FAT3: variants seen among roughly 807,000 people sequenced by gnomAD.
FAT3 encodes the protein protocadherin Fat 3.
Under a neutral mutation model 310.2 loss-of-function variants are expected in FAT3, and 95 were observed. That is an observed-to-expected ratio of 0.31 (90% confidence interval 0.26 to 0.36). The LOEUF is 0.36. Among genes scored for constraint, FAT3 ranks in the 10% least tolerant of loss-of-function variants. The pLI, the probability that FAT3 is intolerant of heterozygous loss-of-function variation, is 1.00. For missense variants in FAT3, 5,408 were observed against 5,715.6 expected (o/e 0.95, Z 1.74); for synonymous variants, 2,314 against 2,192.9 (o/e 1.06, Z -1.54).
chr11:92,871,386 A>T (rs1421676162), intron 22 of FAT3, among the ~76,000 whole-genome samples: 1 of 152,172 alleles, frequency 6.6e-6, no homozygotes, highest in Non-Finnish European at 1.5e-5. Flanking sequence ...TTGGAAAGGC[A>T]GTATCTCAGA....
chr11:92,584,283 A>C (rs1452258799), intron 3 of FAT3, among the ~76,000 whole-genome samples: 2 of 152,012 alleles, frequency 1.3e-5, no homozygotes, highest in Non-Finnish European at 2.9e-5. Flanking sequence ...TGGCAATAAC[A>C]TTGGTGACTG....
At chr11:92,488,240 C>T (rs553065115) in intron 2 of FAT3, among the ~76,000 whole-genome samples, 1 of 152,148 alleles carries the variant, frequency 6.6e-6, no homozygotes, top group East Asian at 1.9e-4. Flanking sequence ...CCTGAATAAG[C>T]TTGTAAGTGA....
intron 3 of FAT3, among the ~76,000 whole-genome samples, chr11:92,543,014 G>T (rs1954501572): frequency 6.6e-6 from 1 of 152,106 alleles, no homozygotes; most frequent in Admixed American, 6.6e-5. Context: ...ATGAAATCCT[G>T]TCATTTGCAG....
intron 1 of FAT3, among the ~76,000 whole-genome samples, chr11:92,286,397 T>G (rs1336248682): frequency 6.6e-6 from 1 of 152,122 alleles, no homozygotes; most frequent in Non-Finnish European, 1.5e-5. Flanking sequence ...GTCCTGGAAA[T>G]AGCTTTGAGA....
chr11:92,419,555 T>G (rs1372360826), intron 2 of FAT3, among the ~76,000 whole-genome samples: 1 of 152,160 alleles, frequency 6.6e-6, no homozygotes, highest in Admixed American at 6.5e-5. Context: ...TAGGGGAGTA[T>G]CTTTATATTT....
At chr11:92,818,775 C>T (rs1471216596) in intron 13 of FAT3, among the ~76,000 whole-genome samples, 2 of 152,186 alleles carry the variant, frequency 1.3e-5, no homozygotes, top group Non-Finnish European at 2.9e-5. Flanking sequence ...TGGCCCAAGA[C>T]TGAATGAAAA....
At chr11:92,721,636 G>T (rs1204549341) in intron 4 of FAT3, among the ~76,000 whole-genome samples, 3 of 152,128 alleles carry the variant, frequency 2.0e-5, no homozygotes, top group Non-Finnish European at 4.4e-5. Flanking sequence ...CATCTTATGA[G>T]ATACAAATGT....
chr11:92,741,071 C>T (rs1024238629), intron 4 of FAT3, among the ~76,000 whole-genome samples: 1 of 152,126 alleles, frequency 6.6e-6, no homozygotes, highest in Non-Finnish European at 1.5e-5. Context: ...GACAGAGTCT[C>T]ACTCTGTCAC....
chr11:92,587,888 T>C (rs1939233441), intron 3 of FAT3, among the ~76,000 whole-genome samples: 1 of 152,010 alleles, frequency 6.6e-6, no homozygotes, highest in Non-Finnish European at 1.5e-5. Context: ...TTTCCTGCCC[T>C]ATCTAAAGCC....
At chr11:92,254,734 T>G (rs751680718) in intron 1 of FAT3, among the ~76,000 whole-genome samples, 1 of 152,036 alleles carries the variant, frequency 6.6e-6, no homozygotes, top group Non-Finnish European at 1.5e-5. Context: ...AGGTGGAGTT[T>G]CACTCTTGTC....
intron 3 of FAT3, among the ~76,000 whole-genome samples, chr11:92,665,835 C>A (rs1230624345): frequency 6.6e-6 from 1 of 152,142 alleles, no homozygotes. Context: ...TGGAAAGATA[C>A]CGGTTCCTCT....
chr11:92,225,227 G>A (rs1032783005), intron 1 of FAT3, among the ~76,000 whole-genome samples, 53 bp downstream of exon 1: 1 of 152,342 alleles, frequency 6.6e-6, no homozygotes, highest in Admixed American at 6.5e-5. Context: ...ACCGACTGGA[G>A]CGCGCCTGCC....
chr11:92,340,204 G>A (rs1329220041), intron 1 of FAT3, among the ~76,000 whole-genome samples: 1 of 151,024 alleles, frequency 6.6e-6, no homozygotes, highest in Non-Finnish European at 1.5e-5. Flanking sequence ...TATCCTGAAA[G>A]CATGGGAAAG....
intron 9 of FAT3, 36 bp from the exon 10 acceptor site, chr11:92,797,800 A>T: frequency 6.4e-7 from 1 of 1,569,654 alleles, no homozygotes. Context: ...AGTGACCCAC[A>T]TGTAACTCAT....
At chr11:92,397,457 C>T (rs1042272884) in intron 2 of FAT3, among the ~76,000 whole-genome samples, 2 of 152,150 alleles carry the variant, frequency 1.3e-5, no homozygotes, top group Non-Finnish European at 2.9e-5. Context: ...AGATGGAGTT[C>T]CCAATATCAT....
At chr11:92,808,945 A>T (rs1231025783) in intron 12 of FAT3, among the ~76,000 whole-genome samples, 1 of 152,116 alleles carries the variant, frequency 6.6e-6, no homozygotes, top group African/African-American at 2.4e-5. Context: ...AATAAATAAA[A>T]TAAATAAATA....
intron 2 of FAT3, among the ~76,000 whole-genome samples, chr11:92,381,367 G>A (rs1267399548): frequency 1.3e-5 from 2 of 152,090 alleles, no homozygotes; most frequent in African/African-American, 4.8e-5. Flanking sequence ...ACAAAAATTA[G>A]CTGGGTATGG....
intron 3 of FAT3, among the ~76,000 whole-genome samples, chr11:92,661,107 G>T (rs1231706134): frequency 2.0e-5 from 3 of 152,166 alleles, no homozygotes; most frequent in Admixed American, 6.5e-5. Context: ...AATGTATTTG[G>T]TAGTGTTGGA....
At chr11:92,837,221 A>G (rs971612199) in intron 16 of FAT3, among the ~76,000 whole-genome samples, 1 of 152,244 alleles carries the variant, frequency 6.6e-6, no homozygotes, top group Non-Finnish European at 1.5e-5. Flanking sequence ...TAAAAAGCAG[A>G]TAGACTCTAC....
Sources: allele counts gnomAD v4.1 joint callset (sites outside exome capture counted in the v4.1 genomes callset), GRCh38; gene constraint gnomAD v4.1.1; transcripts MANE v1.5; gene names NCBI Gene and HGNC (gene_info 2026-07-23, HGNC 2026-07-21).